Variants in UTRN observed in about 807,000 individuals in gnomAD.
UTRN encodes the protein utrophin, also known as dystrophin-related protein 1.
Under a neutral mutation model 463.9 loss-of-function variants are expected in UTRN, and 283 were observed. That is an observed-to-expected ratio of 0.61 (90% CI 0.55 to 0.67). UTRN has a LOEUF of 0.67. Among genes scored for constraint, UTRN ranks in the 30% least tolerant of loss-of-function variants. UTRN has a pLI of 0.00. For synonymous variants in UTRN, 1,442 were observed against 1,431.5 expected, an observed-to-expected ratio of 1.01 and a Z score of -0.17; for missense variants, 3,922 against 4,084.3, an observed-to-expected ratio of 0.96 and a Z score of 1.08.
At chr6:144,632,895 A>G (rs961275804) in intron 51 of UTRN, among the ~76,000 whole-genome samples, 8 of 151,598 alleles carry the variant, frequency 5.3e-5, no homozygotes, top group African/African-American at 1.9e-4. Flanking sequence ...CTAATTTTGT[A>G]TTTTTAGTAG....
At chr6:144,561,059 T>G (rs1409641983) in intron 50 of UTRN, among the ~76,000 whole-genome samples, 6 of 151,180 alleles carry the variant, frequency 4.0e-5, no homozygotes, top group Non-Finnish European at 8.9e-5. Flanking sequence ...CTTCCATCTC[T>G]TAATGCTAAT....
In UTRN at chr6:144,751,856, TG is replaced by T; in HGVS notation, c.8260del (p.Asp2754IlefsTer15). Reference protein sequence around the residue: ...PINFKVKTVNDLSSQLSPLDL... With the variant: ...PINFKVKTVNXLSSQLSPLDL... ...TCAACTTTAAAGTTAAAACGGTGAA[TG>T]ATTTATCCAGTCAGCTGTCTCCACT... On this transcript the variant is annotated frameshift_variant, in exon 56 of 75. Coordinates refer to ENST00000367545, the MANE Select transcript of UTRN (RefSeq NM_007124.3). LOFTEE classifies it high-confidence loss of function. 1 of 1,611,948 alleles carries T rather than the reference TG, an allele frequency of 6.2e-7. No individual in the cohort carries two copies. The highest frequency in any genetic ancestry group is 8.5e-7 in the Non-Finnish European group (1 of 1,179,068).
intron 2 of UTRN, among the ~76,000 whole-genome samples, chr6:144,373,433 T>G (rs1562310191): frequency 6.6e-6 from 1 of 152,228 alleles, no homozygotes; most frequent in African/African-American, 2.4e-5. Context: ...TGACATATCC[T>G]ATGATTCCAT....
rs190923844 is a variant in UTRN at position 144,548,491 on chromosome 6, A to G, written c.6596-149A>G. 3.5e-5 allele frequency: 24 copies of G among 685,644 alleles called. 1 individual carries two copies. In the Admixed American group the frequency reaches 4.4e-4, roughly 13 times the overall value. 42.5% of individuals were successfully genotyped at this position (685,644 alleles called of 1,614,324 possible). ...ATATGGATATTACAGGTAATACCAT[A>G]GCCATTTCAGTATGAAAAAATAACC... On this transcript the variant is annotated intron_variant, in intron 46 of 74. Transcript: ENST00000367545.
At chr6:144,354,809 T>A (rs1778411561) in intron 2 of UTRN, among the ~76,000 whole-genome samples, 1 of 152,118 alleles carries the variant, frequency 6.6e-6, no homozygotes, top group Non-Finnish European at 1.5e-5. Flanking sequence ...TAAGATGTCT[T>A]CATCTGTCAC....
At chr6:144,755,473 A>T (rs1562867403) in intron 57 of UTRN, among the ~76,000 whole-genome samples, 1 of 152,186 alleles carries the variant, frequency 6.6e-6, no homozygotes, top group Non-Finnish European at 1.5e-5. Flanking sequence ...GAGTTTAAAC[A>T]TTCATTCTGT....
intron 65 of UTRN, among the ~76,000 whole-genome samples, chr6:144,818,659 CT>C (rs1397944000): frequency 6.6e-6 from 1 of 152,190 alleles, no homozygotes; most frequent in Admixed American, 6.5e-5. Flanking sequence ...AATGCTTATT[CT>C]TATACACGGG....
At chr6:144,821,759 T>C (rs1779626464) in intron 66 of UTRN, among the ~76,000 whole-genome samples, 1 of 152,108 alleles carries the variant, frequency 6.6e-6, no homozygotes, top group Admixed American at 6.6e-5. Flanking sequence ...TAAACAATTA[T>C]GTGTTAAGAT....
At chr6:144,688,142 C>G (rs988266041) in intron 52 of UTRN, among the ~76,000 whole-genome samples, 3 of 152,058 alleles carry the variant, frequency 2.0e-5, no homozygotes, top group African/African-American at 7.2e-5. Flanking sequence ...CTCTGAAATT[C>G]TTTCTTATAC....
intron 2 of UTRN, among the ~76,000 whole-genome samples, chr6:144,369,211 G>T (rs887784287): frequency 2.0e-5 from 3 of 152,152 alleles, no homozygotes; most frequent in Non-Finnish European, 2.9e-5. Context: ...CATTTCTATG[G>T]CTTATAAGGT....
intron 9 of UTRN, 56 bp from the exon 10 acceptor site, chr6:144,435,879 T>C (rs1446829861): frequency 1.9e-6 from 3 of 1,581,710 alleles, no homozygotes; most frequent in African/African-American, 1.3e-5. Flanking sequence ...GTGAGTTTGC[T>C]GAACACCTCT....
intron 55 of UTRN, among the ~76,000 whole-genome samples, chr6:144,748,861 A>T (rs1791053328): frequency 1.3e-5 from 2 of 151,844 alleles, no homozygotes; most frequent in South Asian, 4.2e-4. Context: ...TTTCCTTTTC[A>T]GTTTATTTGT....
rs376907935 is a variant in UTRN at position 144,606,718 on chromosome 6, T to G, written c.7479+29430T>G. Among the ~76,000 whole-genome samples the G allele has an allele frequency of 9.2e-5, 14 of 152,360 alleles. No individual in the cohort carries two copies. The East Asian group carries it at 2.7e-3, about 29-fold the overall frequency. ...AATTTAGATACTGAATTAGAAATTC[T>G]CCATAACCTGCAACACACATTTTCC... On this transcript the variant is annotated intron_variant, in intron 51 of 74. Transcript: ENST00000367545.
chr6:144,345,995 T>A (rs1777532129), intron 2 of UTRN, among the ~76,000 whole-genome samples: 1 of 152,030 alleles, frequency 6.6e-6, no homozygotes, highest in Admixed American at 6.5e-5. Context: ...CTGGCCAACA[T>A]GGTAAAACCT....
chr6:144,673,312 A>G (rs1179700789), intron 51 of UTRN, among the ~76,000 whole-genome samples: 1 of 152,014 alleles, frequency 6.6e-6, no homozygotes, highest in Non-Finnish European at 1.5e-5. Flanking sequence ...CATCTGTCCC[A>G]TTTCTTAGGT....
intron 56 of UTRN, among the ~76,000 whole-genome samples, chr6:144,752,371 C>A (rs1791495226): frequency 6.6e-6 from 1 of 151,600 alleles, no homozygotes; most frequent in Non-Finnish European, 1.5e-5. Flanking sequence ...TAAATATCTT[C>A]CTTATTTTTT....
intron 34 of UTRN, among the ~76,000 whole-genome samples, chr6:144,510,607 T>C (rs554554467): frequency 8.5e-5 from 13 of 152,272 alleles, no homozygotes; most frequent in African/African-American, 2.9e-4. Flanking sequence ...AAAATGAAAT[T>C]GAGCCTTTAC....
Position 144,420,045 on chromosome 6 carries a change from C to T in UTRN, c.142-1833C>T, listed in dbSNP as rs1012593264. Among the ~76,000 whole-genome samples the T allele has an allele frequency of 2.6e-5, 4 of 151,782 alleles. No individual in the cohort carries two copies. In the East Asian group the frequency reaches 7.7e-4, roughly 29 times the overall value. ...CGAGGGAAGGAAGGAAGGAATAATG[C>T]CAAATTTTAGGAAACTTCAGAATGG... is the stretch of plus-strand genomic sequence containing the variant. On this transcript the variant is annotated intron_variant, in intron 3 of 74. Transcript: ENST00000367545.
intron 28 of UTRN, among the ~76,000 whole-genome samples, chr6:144,486,077 A>T (rs773113127): frequency 2.6e-5 from 4 of 152,204 alleles, no homozygotes; most frequent in Non-Finnish European, 5.9e-5. Flanking sequence ...TGTTAACTTA[A>T]TAACCGTTTC....
Sources: gnomAD v4.1 joint callset for allele counts (sites outside exome capture counted in the v4.1 genomes callset) on GRCh38, gnomAD v4.1.1 for gene constraint, MANE v1.5 for transcripts, NCBI Gene and HGNC (gene_info 2026-07-23, HGNC 2026-07-21) for gene names.